TRDMT1: variants seen among roughly 807,000 people sequenced by gnomAD.
TRDMT1 encodes the protein tRNA aspartic acid methyltransferase 1.
TRDMT1 carries 49 observed loss-of-function variants against 51.2 expected under a neutral mutation model. The ratio of observed to expected loss-of-function variants is 0.96; its 90% confidence interval spans 0.76 to 1.21. TRDMT1 has a LOEUF of 1.21. Among genes scored for constraint, TRDMT1 ranks in the 50% most tolerant of loss-of-function variants. The pLI is 0.00. For missense variants in TRDMT1, 534 were observed against 462.3 expected (o/e 1.16, Z -1.42); for synonymous variants, 187 against 164.6 (o/e 1.14, Z -1.04).
intron 1 of TRDMT1, among the ~76,000 whole-genome samples, chr10:17,179,055 A>G (rs559622882): frequency 3.3e-5 from 5 of 152,158 alleles, no homozygotes; most frequent in Non-Finnish European, 7.4e-5. Context: ...AAAAAAAAGG[A>G]GCACAGTGAA....
At chr10:17,185,509 T>C (rs1588651648) in intron 1 of TRDMT1, among the ~76,000 whole-genome samples, 1 of 152,224 alleles carries the variant, frequency 6.6e-6, no homozygotes, top group Non-Finnish European at 1.5e-5. Context: ...GGAGTTGGTG[T>C]GGCGATTCCT....
chr10:17,153,729 A>G (rs957573274), intron 9 of TRDMT1, 93 bp from the exon 10 acceptor site: 1 of 1,339,826 alleles, frequency 7.5e-7, no homozygotes, highest in East Asian at 2.4e-5. Context: ...ATGGACATAC[A>G]GTCTGCTGTA....
At chr10:17,187,801 T>A (rs1393945112) in intron 1 of TRDMT1, among the ~76,000 whole-genome samples, 1 of 152,100 alleles carries the variant, frequency 6.6e-6, no homozygotes, top group Non-Finnish European at 1.5e-5. Flanking sequence ...ACAAATACAT[T>A]ACACACATAC....
At chr10:17,174,368 G>T (rs751403023) in intron 2 of TRDMT1, among the ~76,000 whole-genome samples, 183 bp downstream of exon 2, 4 of 152,038 alleles carry the variant, frequency 2.6e-5, no homozygotes, top group Non-Finnish European at 5.9e-5. Flanking sequence ...GTCTATAGCT[G>T]GACTTTTTTT....
chr10:17,151,152 A>T (rs1838667933), intron 10 of TRDMT1: 1 of 746,364 alleles, frequency 1.3e-6, no homozygotes, highest in Non-Finnish European at 1.6e-6. Context: ...GCACAAAAGT[A>T]ATTGAAGTTT....
chr10:17,181,911 T>G (rs530219503), intron 1 of TRDMT1, among the ~76,000 whole-genome samples: 3 of 152,086 alleles, frequency 2.0e-5, no homozygotes. Context: ...CAGATTTTCT[T>G]TGGGGGAAAC....
intron 1 of TRDMT1, among the ~76,000 whole-genome samples, chr10:17,198,263 C>T (rs929974184): frequency 6.6e-6 from 1 of 152,164 alleles, no homozygotes; most frequent in Non-Finnish European, 1.5e-5. Context: ...AAGAGTTACA[C>T]AGTATTATCA....
intron 1 of TRDMT1, among the ~76,000 whole-genome samples, chr10:17,191,709 C>T (rs1017794273): frequency 1.3e-5 from 2 of 152,124 alleles, no homozygotes; most frequent in African/African-American, 4.8e-5. Context: ...TTCTCACTGG[C>T]ATTTGAGCAA....
At chr10:17,200,316 T>C (rs932890703) in intron 1 of TRDMT1, among the ~76,000 whole-genome samples, 2 of 152,292 alleles carry the variant, frequency 1.3e-5, no homozygotes, top group Non-Finnish European at 2.9e-5. Context: ...AACGCGGACA[T>C]TATATCACTT....
rs1292515295 is a variant in TRDMT1 at position 17,162,306 on chromosome 10, T to C, written c.252-69A>G. ...GTTTATTAAGAATCTGATAAAAAGA[T>C]GTCAAATCACTTTTTAAGTCAAAAG... On this transcript the variant is annotated intron_variant, in intron 3 of 10. Transcript: ENST00000377799. 6 of 1,401,630 alleles carry C rather than the reference T, an allele frequency of 4.3e-6. No individual in the cohort carries two copies. In the African/African-American group the frequency reaches 4.5e-5, roughly 10 times the overall value. 86.8% of individuals were successfully genotyped at this position (1,401,630 alleles called of 1,614,324 possible).
chr10:17,197,389 T>A (rs1213334200), intron 1 of TRDMT1, among the ~76,000 whole-genome samples: 4 of 152,138 alleles, frequency 2.6e-5, no homozygotes, highest in Admixed American at 2.6e-4. Context: ...TAAATAAAGT[T>A]AAATGAAATT....
rs969844680 is a variant in TRDMT1 at position 17,162,275 on chromosome 10, C to T, written c.252-38G>A. On this transcript the variant is annotated intron_variant, in intron 3 of 10. Coordinates refer to ENST00000377799, the MANE Select transcript of TRDMT1 (RefSeq NM_004412.7). ...AAAAAAAAAAAAACAAAAAAAAACACAGAAAGTTTATTAAGAATCTGATAA... is the reference window on the plus strand; with the variant it reads ...AAAAAAAAAAAAACAAAAAAAAACATAGAAAGTTTATTAAGAATCTGATAA... 7 of 1,491,762 alleles carry T rather than the reference C, an allele frequency of 4.7e-6. No homozygotes were observed. The Admixed American group carries it at 1.1e-4, about 23-fold the overall frequency. The allele number at this position is 1,491,762 out of a possible 1,614,324, so 92.4% of individuals were successfully genotyped here. A position where few individuals can be genotyped will look rare whatever the true frequency, so the allele number is the denominator to read the frequency against.
Position 17,144,349 on chromosome 10 carries a change from G to A in TRDMT1, c.*4691C>T. The A allele has an allele frequency of 2.0e-6, 2 of 985,414 alleles. No homozygotes were observed. Among genetic ancestry groups the A allele is most frequent in the Non-Finnish European group, 2.4e-6 (2 of 829,916 alleles). The allele number at this position is 985,414 out of a possible 1,614,324, so 61.0% of individuals were successfully genotyped here. A position where few individuals can be genotyped will look rare whatever the true frequency, so the allele number is the denominator to read the frequency against. Reference sequence around the variant, plus strand: ...TATTTGAAGTAAACACTGAAGCCATGCTAGGTACAAGCAAAGAAATGAAAA... The same window carrying A: ...TATTTGAAGTAAACACTGAAGCCATACTAGGTACAAGCAAAGAAATGAAAA... On this transcript the variant is annotated 3_prime_UTR_variant, in exon 11 of 11. Coordinates refer to ENST00000377799, the MANE Select transcript of TRDMT1 (RefSeq NM_004412.7).
Position 17,149,049 on chromosome 10 carries a change from T to A in TRDMT1, c.1167A>T (p.Leu389Phe), listed in dbSNP as rs769638031. ...VHVVAKLIKI[L>F]YE is the part of the protein sequence containing the mutation. ...CAGAGTTATTTCAAAATTATTCATA[T>A]AAGATTTTGATTAGTTTAGCTACTA... The change falls in exon 11 of 11, where the codon TTA becomes TTT. Residue 389 changes from leucine to phenylalanine, a missense_variant. Physicochemically the swap from Leu to Phe is conservative, Grantham distance 22 (BLOSUM62 0). Transcript: ENST00000377799. 3 of 1,603,520 alleles carry A rather than the reference T, an allele frequency of 1.9e-6. No individual in the cohort carries two copies. Among genetic ancestry groups the A allele is most frequent in the African/African-American group, 1.3e-5 (1 of 74,590 alleles).
chr10:17,193,399 A>C (rs1844966074), intron 1 of TRDMT1, among the ~76,000 whole-genome samples: 1 of 152,146 alleles, frequency 6.6e-6, no homozygotes, highest in South Asian at 2.1e-4. Context: ...TTTTATACCT[A>C]GAATACTCTA....
chr10:17,154,678 T>TG lies in TRDMT1; in HGVS notation c.943dup (p.Gln315ProfsTer3), dbSNP rs775858438. ...TTAGCTTTAAAACATGCATAGTACCTGCACATCCTCTGCAGTCTGTAACAC... is the reference window on the plus strand; with the variant it reads ...TTAGCTTTAAAACATGCATAGTACCTGGCACATCCTCTGCAGTCTGTAACAC... On this transcript the variant is annotated frameshift_variant and splice_region_variant, in exon 9 of 11. Transcript: ENST00000377799. LOFTEE classifies it high-confidence loss of function. 6.9e-6 allele frequency: 11 copies of TG among 1,598,652 alleles called. No individual in the cohort carries two copies.
chr10:17,182,948 T>C (rs1379921234), intron 1 of TRDMT1, among the ~76,000 whole-genome samples: 4 of 152,214 alleles, frequency 2.6e-5, no homozygotes, highest in Non-Finnish European at 4.4e-5. Flanking sequence ...TTGGCAAAGA[T>C]TGGATAAATG....
chr10:17,191,899 C>T (rs1392923542), intron 1 of TRDMT1, among the ~76,000 whole-genome samples: 1 of 152,136 alleles, frequency 6.6e-6, no homozygotes, highest in Non-Finnish European at 1.5e-5. Context: ...AGTGCATGCC[C>T]ACAGCCTGAC....
In TRDMT1 at chr10:17,139,191, T is replaced by A. The variant is rs1837512832; in HGVS notation, c.*9849A>T. ...TAGGTGAACCCTCCTGCCATCCTGT[T>A]CCAAATCAACCTAAAAAGGACAAAA... On this transcript the variant is annotated 3_prime_UTR_variant, in exon 11 of 11. Transcript: ENST00000377799. 1.0e-6 allele frequency: 1 copy of A among 985,240 alleles called. No individual in the cohort carries two copies. Among genetic ancestry groups the A allele is most frequent in the Non-Finnish European group, 1.2e-6 (1 of 829,914 alleles). 61.0% of individuals were successfully genotyped at this position (985,240 alleles called of 1,614,324 possible).
Sources: gnomAD v4.1 joint callset for allele counts (sites outside exome capture counted in the v4.1 genomes callset) on GRCh38, gnomAD v4.1.1 for gene constraint, MANE v1.5 for transcripts, NCBI Gene and HGNC (gene_info 2026-07-23, HGNC 2026-07-21) for gene names.